OR10G7: variants seen among roughly 807,000 people sequenced by gnomAD.
The protein encoded by OR10G7 is olfactory receptor family 10 subfamily G member 7, also known as olfactory receptor 10G7.
For synonymous variants in OR10G7, 165 were observed against 167.4 expected (o/e 0.99, Z 0.11); for missense variants, 338 against 382.1 (o/e 0.88, Z 0.96).
At position 124,037,475 on chromosome 11, in the gene OR10G7, A is replaced by G. The variant is rs1200444042; in HGVS notation, c.*591T>C. The stretch of plus-strand genomic sequence containing the variant: ...ACAATGTGTACAGTGTATACAGTGC[A>G]TAAATGGACAAATATTTACTCTCAG... On this transcript the variant is annotated 3_prime_UTR_variant, in exon 2 of 2. Transcript: ENST00000641585. The G allele has an allele frequency of 1.3e-5, 2 of 152,206 alleles. No individual in the cohort carries two copies. The highest frequency in any genetic ancestry group is 3.8e-4 in the East Asian group (2 of 5,200). The allele number at this position is 152,206 out of a possible 1,614,324, so 9.4% of individuals were successfully genotyped here.
At chr11:124,039,339 T>C (rs928420107) in intron 1 of OR10G7, among the ~76,000 whole-genome samples, 2 of 152,108 alleles carry the variant, frequency 1.3e-5, no homozygotes, top group African/African-American at 4.8e-5. Context: ...GCTGGCAAGC[T>C]CTTTCCGGGG....
At chr11:124,039,493 G>T (rs992760816) in intron 1 of OR10G7, among the ~76,000 whole-genome samples, 1 of 152,046 alleles carries the variant, frequency 6.6e-6, no homozygotes, top group African/African-American at 2.4e-5. Context: ...GATCATTAGA[G>T]AATTTCCATT....
chr11:124,038,957 A>T lies in OR10G7; in HGVS notation c.45T>A (p.Leu15=), dbSNP rs199515055. 6.0e-4 allele frequency: 961 copies of T among 1,613,112 alleles called. No homozygotes were observed. Among genetic ancestry groups the T allele is most frequent in the Non-Finnish European group, 7.5e-4 (889 of 1,179,274 alleles). Residue 15 remains leucine, a synonymous_variant, in exon 2 of 2, where the codon CTT becomes CTA. Coordinates refer to ENST00000641585, the MANE Select transcript of OR10G7 (RefSeq NM_001004463.2). ...TLLTAFILTG[L]PHAPGLDAPL... ...GGGCGTCCAGCCCTGGGGCATGGGGAAGGCCCGTGAGGATGAACGCTGTCA... is the reference window on the plus strand; with the variant it reads ...GGGCGTCCAGCCCTGGGGCATGGGGTAGGCCCGTGAGGATGAACGCTGTCA...
In OR10G7 at chr11:124,038,375, G is replaced by A. The variant is rs753983047; in HGVS notation, c.627C>T (p.Cys209=). The A allele has an allele frequency of 1.9e-6, 3 of 1,614,010 alleles. No homozygotes were observed. Among genetic ancestry groups the A allele is most frequent in the Admixed American group, 3.3e-5 (2 of 59,996 alleles). The change falls in exon 2 of 2, where the codon TGC becomes TGT. Residue 209 remains cysteine, a synonymous_variant. Coordinates refer to ENST00000641585, the MANE Select transcript of OR10G7 (RefSeq NM_001004463.2). ...FVNIGLVASG[C]FVLIVLSYVS... ...CATAGGACAGCACTATCAGGACAAA[G>A]CAGCCCGAGGCCACTAGCCCAATAT...
At position 124,038,764 on chromosome 11, in the gene OR10G7, G is replaced by A. The variant is rs1591470941; in HGVS notation, c.238C>T (p.Leu80=). ...CCGCTTGGGGACACCAAGGTCATCAGCATTTTGGGCACCGTGACAGTGGAG... is the reference window on the plus strand; with the variant it reads ...CCGCTTGGGGACACCAAGGTCATCAACATTTTGGGCACCGTGACAGTGGAG... ...WFSTVTVPKM[L]MTLVSPSGRT... Residue 80 remains leucine (L), a synonymous_variant, in exon 2 of 2, where the codon CTG becomes TTG. Coordinates refer to ENST00000641585, the MANE Select transcript of OR10G7 (RefSeq NM_001004463.2). 5 of 1,614,018 alleles carry A rather than the reference G, an allele frequency of 3.1e-6. No homozygotes were observed. The highest frequency in any genetic ancestry group is 4.2e-6 in the Non-Finnish European group (5 of 1,180,032).
chr11:124,041,071 T>C lies in OR10G7; in HGVS notation c.-206A>G, dbSNP rs1864237523. 1 of 152,148 alleles carries C rather than the reference T, an allele frequency of 6.6e-6. No individual in the cohort carries two copies. The highest frequency in any genetic ancestry group is 6.5e-5 in the Admixed American group (1 of 15,280). The allele number at this position is 152,148 out of a possible 1,614,324, so 9.4% of individuals were successfully genotyped here. A position where few individuals can be genotyped will look rare whatever the true frequency, so the allele number is the denominator to read the frequency against. ...CACTCCGTTAGCTCTACAGTCCTTA[T>C]GAGTGAAGATAATGTGTTGACATCA... On this transcript the variant is annotated 5_prime_UTR_variant, in exon 1 of 2. Coordinates refer to ENST00000641585, the MANE Select transcript of OR10G7 (RefSeq NM_001004463.2).
In OR10G7 at chr11:124,037,442, A is replaced by G. The variant is rs1398542375; in HGVS notation, c.*624T>C. The G allele has an allele frequency of 1.3e-5, 2 of 152,162 alleles. No individual in the cohort carries two copies. Among genetic ancestry groups the G allele is most frequent in the Non-Finnish European group, 2.9e-5 (2 of 68,034 alleles). 9.4% of individuals were successfully genotyped at this position (152,162 alleles called of 1,614,324 possible). On this transcript the variant is annotated 3_prime_UTR_variant, in exon 2 of 2. Transcript: ENST00000641585. Reference sequence around the variant, plus strand: ...GGAAAGTCTAGATAGTTGTCATCAGAGACCAATACAATGTGTACAGTGTAT... The same window carrying G: ...GGAAAGTCTAGATAGTTGTCATCAGGGACCAATACAATGTGTACAGTGTAT...
intron 1 of OR10G7, among the ~76,000 whole-genome samples, chr11:124,039,772 C>T (rs1447498977): frequency 6.6e-6 from 1 of 152,132 alleles, no homozygotes; most frequent in Admixed American, 6.5e-5. Flanking sequence ...ACCTGAGCCC[C>T]GCTTCCTGTC....
At position 124,037,542 on chromosome 11, in the gene OR10G7, A is replaced by G. The variant is rs1023377253; in HGVS notation, c.*524T>C. The G allele has an allele frequency of 6.6e-6, 1 of 152,210 alleles. No homozygotes were observed. The highest frequency in any genetic ancestry group is 1.5e-5 in the Non-Finnish European group (1 of 68,162). The allele number at this position is 152,210 out of a possible 1,614,324, so 9.4% of individuals were successfully genotyped here. On this transcript the variant is annotated 3_prime_UTR_variant, in exon 2 of 2. Transcript: ENST00000641585. ...AGTAAGAAAAAAATATTAAAGAGTTATATGGTTTTTATTGGCCCATGAATG... is the reference window on the plus strand; with the variant it reads ...AGTAAGAAAAAAATATTAAAGAGTTGTATGGTTTTTATTGGCCCATGAATG...
At chr11:124,040,054 C>T (rs1428087455) in intron 1 of OR10G7, among the ~76,000 whole-genome samples, 1 of 152,104 alleles carries the variant, frequency 6.6e-6, no homozygotes, top group East Asian at 1.9e-4. Context: ...ATGAACAGTA[C>T]CATCATTTTC....
chr11:124,038,591 C>G lies in OR10G7; in HGVS notation c.411G>C (p.Gly137=). Residue 137 remains glycine, a synonymous_variant, in exon 2 of 2, where the codon GGG becomes GGC. Coordinates refer to ENST00000641585, the MANE Select transcript of OR10G7 (RefSeq NM_001004463.2). ...CGGTGGCCAGGAGGGCACACGAGCG[C>G]CCAGTCATCATGTTGGTGTACCTGA... The part of the protein sequence containing the change: ...YPLRYTNMMT[G]RSCALLATGT... 6.2e-7 allele frequency: 1 copy of G among 1,613,924 alleles called. No homozygotes were observed.
At chr11:124,039,345 CG>C (rs1165220013) in intron 1 of OR10G7, among the ~76,000 whole-genome samples, 3 of 151,920 alleles carry the variant, frequency 2.0e-5, no homozygotes, top group Non-Finnish European at 2.9e-5. Context: ...AAGCTCTTTC[CG>C]GGGATAAGCC....
chr11:124,040,192 A>G (rs1428478068), intron 1 of OR10G7, among the ~76,000 whole-genome samples: 3 of 152,152 alleles, frequency 2.0e-5, no homozygotes, highest in Non-Finnish European at 4.4e-5. Context: ...ACATTTTGAG[A>G]TAGCCAAGAA....
rs470208 is a variant in OR10G7 at position 124,038,734 on chromosome 11, T to A, written c.268A>T (p.Thr90Ser). The A allele has an allele frequency of 6.2e-7, 1 of 1,612,266 alleles. No individual in the cohort carries two copies. The highest frequency in any genetic ancestry group is 1.4e-5 in the African/African-American group (1 of 73,764). The change falls in exon 2 of 2, where the codon ACT (threonine) becomes TCT (serine). Residue 90 changes from threonine to serine, a missense_variant. By Grantham distance (58) the Thr-to-Ser change is moderately conservative. Transcript: ENST00000641585. ...GCCACGCAGCTGTGGAAGGAGATAG[T>A]CCTGCCGCTTGGGGACACCAAGGTC... Reference protein sequence around the residue: ...LMTLVSPSGRTISFHSCVAQL... With the variant: ...LMTLVSPSGRSISFHSCVAQL...
At position 124,037,972 on chromosome 11, in the gene OR10G7, T is replaced by C; in HGVS notation, c.*94A>G. On this transcript the variant is annotated 3_prime_UTR_variant, in exon 2 of 2. Transcript: ENST00000641585. ...CCAATTAAAAATTAAGACTGAATAA[T>C]TGAAATGCTCCATTCAAGTATAATG... The C allele has an allele frequency of 1.2e-6, 1 of 802,076 alleles. No homozygotes were observed. Among genetic ancestry groups the C allele is most frequent in the Non-Finnish European group, 1.9e-6 (1 of 528,406 alleles). 49.7% of individuals were successfully genotyped at this position (802,076 alleles called of 1,614,324 possible).
In OR10G7 at chr11:124,041,312, G is replaced by C. The variant is rs1011077544; in HGVS notation, c.-447C>G. 2 of 152,010 alleles carry C rather than the reference G, an allele frequency of 1.3e-5. No homozygotes were observed. The highest frequency in any genetic ancestry group is 2.9e-5 in the Non-Finnish European group (2 of 68,012). The allele number at this position is 152,010 out of a possible 1,614,324, so 9.4% of individuals were successfully genotyped here. On this transcript the variant is annotated 5_prime_UTR_variant, in exon 1 of 2. Coordinates refer to ENST00000641585, the MANE Select transcript of OR10G7 (RefSeq NM_001004463.2). ...AGTAAATATGGGTTTTAGTTATAAA[G>C]GAGCTAATTATCTGAAGAGGTGCAT...
rs1033143514 is a variant in OR10G7, at chr11:124,038,502, T to C, written c.500A>G (p.Tyr167Cys). The C allele has an allele frequency of 1.7e-5, 27 of 1,613,708 alleles. No homozygotes were observed. Among genetic ancestry groups the C allele is most frequent in the Non-Finnish European group, 2.3e-5 (27 of 1,179,830 alleles). Residue 167 changes from tyrosine to cysteine, a missense_variant, in exon 2 of 2, where the codon TAC becomes TGC. Tyr to Cys is a radical substitution (Grantham distance 194). Transcript: ENST00000641585. Reference sequence around the variant, plus strand: ...GTGCTGGATCTGGTTGGGTCCACAGTAGGGCAAATGGAAAGTCAATATGGT... The same window carrying C: ...GTGCTGGATCTGGTTGGGTCCACAGCAGGGCAAATGGAAAGTCAATATGGT... ...VQTILTFHLP[Y>C]CGPNQIQHYF...
At position 124,038,590 on chromosome 11, in the gene OR10G7, G is replaced by A. The variant is rs746856435; in HGVS notation, c.412C>T (p.Arg138Cys). Reference protein sequence around the residue: ...PLRYTNMMTGRSCALLATGTW... With the variant: ...PLRYTNMMTGCSCALLATGTW... ...CCGGTGGCCAGGAGGGCACACGAGC[G>A]CCCAGTCATCATGTTGGTGTACCTG... Residue 138 changes from arginine to cysteine, a missense_variant, in exon 2 of 2, where the codon CGC becomes TGC. Physicochemically the swap from Arg to Cys is radical, Grantham distance 180. Coordinates refer to ENST00000641585, the MANE Select transcript of OR10G7 (RefSeq NM_001004463.2). 9.9e-6 allele frequency: 16 copies of A among 1,613,768 alleles called. No homozygotes were observed. Among genetic ancestry groups the A allele is most frequent in the Admixed American group, 5.0e-5 (3 of 59,978 alleles).
rs1325505730 is a variant in OR10G7, at chr11:124,038,294, G to A, written c.708C>T (p.Ala236=). The A allele has an allele frequency of 1.4e-5, 22 of 1,614,132 alleles. No homozygotes were observed. The highest frequency in any genetic ancestry group is 1.9e-5 in the Non-Finnish European group (22 of 1,180,042). ...RIRTSEGRHR[A]FQTCASHCIV... is the part of the protein sequence containing the mutation. ...TACAGTGGGAGGCACAGGTCTGAAA[G>A]GCTCTGTGCCTCCCCTCTGAGGTGC... is the stretch of plus-strand genomic sequence containing the variant. Residue 236 remains alanine (A), a synonymous_variant, in exon 2 of 2, where the codon GCC becomes GCT. Transcript: ENST00000641585.
Sources: gnomAD v4.1 joint callset for allele counts (sites outside exome capture counted in the v4.1 genomes callset) on GRCh38, gnomAD v4.1.1 for gene constraint, MANE v1.5 for transcripts, NCBI Gene and HGNC (gene_info 2026-07-23, HGNC 2026-07-21) for gene names.